Variants in RGPD1 observed in about 807,000 individuals in gnomAD.
The protein encoded by RGPD1 is RANBP2-like and GRIP domain-containing protein 1.
RGPD1 carries 7 observed loss-of-function variants against 40.6 expected under a neutral mutation model. The observed-to-expected ratio is 0.17, with a 90% confidence interval of 0.10 to 0.32. The LOEUF (loss-of-function observed/expected upper bound fraction) is 0.32, where lower values mean the gene tolerates loss of function less well. Among genes scored for constraint, RGPD1 ranks in the 10% least tolerant of loss-of-function variants. RGPD1 has a pLI of 1.00. For synonymous variants in RGPD1, 24 were observed against 167.0 expected, an observed-to-expected ratio of 0.14 and a Z score of 6.60; for missense variants, 50 against 472.5, an observed-to-expected ratio of 0.11 and a Z score of 8.29.
In RGPD1 at chr2:86,943,061, G is replaced by A. The variant is rs549552048; in HGVS notation, c.72+753G>A. Among the ~76,000 whole-genome samples the A allele has an allele frequency of 4.0e-5, 6 of 151,088 alleles. 1 individual carries two copies. The South Asian group carries it at 6.4e-4, about 16-fold the overall frequency. ...TACTTTATATGCTGCGGCGGAGGTC[G>A]TACCTCCTTGGCCTGGAGGAACCCA... On this transcript the variant is annotated intron_variant, in intron 1 of 22. Coordinates refer to ENST00000641458, the MANE Select transcript of RGPD1 (RefSeq NM_001382344.1).
chr2:86,942,196 G>T lies in RGPD1; in HGVS notation c.-41G>T. The T allele has an allele frequency of 1.3e-6, 2 of 1,572,410 alleles. No individual in the cohort carries two copies. Among genetic ancestry groups the T allele is most frequent in the East Asian group, 2.3e-5 (1 of 42,558 alleles). On this transcript the variant is annotated 5_prime_UTR_variant, in exon 1 of 23. Transcript: ENST00000641458. ...GAATTGGCGACTGCTGCGGGGCTGAGCGCTGGTTTCACGCGTCTCGGGAGC... is the reference window on the plus strand; with the variant it reads ...GAATTGGCGACTGCTGCGGGGCTGATCGCTGGTTTCACGCGTCTCGGGAGC...
Position 86,942,466 on chromosome 2 carries a change from CCGGCCTCGACCTGGCCGGGCGGCGGCGG to C in RGPD1, c.72+225_72+252del, listed in dbSNP as rs1553447630. ...CTCCCTGGCGCGCTCTGTTGAGGCG[CCGGCCTCGACCTGGCCGGGCGGCGGCGG>C]CGGCCTCGACCTGGCCGGGCGGCGG... On this transcript the variant is annotated intron_variant, in intron 1 of 22. Coordinates refer to ENST00000641458, the MANE Select transcript of RGPD1 (RefSeq NM_001382344.1). Among the ~76,000 whole-genome samples, 184 of 53,612 alleles carry C rather than the reference CCGGCCTCGACCTGGCCGGGCGGCGGCGG, an allele frequency of 3.4e-3. 14 individuals are homozygous for C. Among genetic ancestry groups the C allele is most frequent in the South Asian group, 8.9e-3 (12 of 1,354 alleles). 35.2% of individuals were successfully genotyped at this position (53,612 alleles called of 152,430 possible).
intron 6 of RGPD1, among the ~76,000 whole-genome samples, chr2:86,959,900 A>AT (rs1228415791): frequency 1.6e-3 from 11 of 6,720 alleles, no homozygotes; most frequent in South Asian, 5.3e-3. Context: ...CACCTGGCTA[A>AT]TTTTTTTTTT....
intron 1 of RGPD1, among the ~76,000 whole-genome samples, chr2:86,914,454 CGG>C: frequency 7.5e-5 from 1 of 13,322 alleles, no homozygotes; most frequent in African/African-American, 8.4e-4. Flanking sequence ...GCGGCGGCGG[CGG>C]CGGCGGCGGC....
chr2:86,941,061 CAAA>C (rs1260617000), upstream of RGPD1, among the ~76,000 whole-genome samples: 1 of 150,662 alleles, frequency 6.6e-6, no homozygotes, highest in African/African-American at 2.4e-5. Flanking sequence ...TATGGAAAAA[CAAA>C]AAGGATAAAA....
chr2:86,956,100 C>A (rs1371017784), intron 4 of RGPD1, among the ~76,000 whole-genome samples: 1 of 138,944 alleles, frequency 7.2e-6, no homozygotes, highest in Non-Finnish European at 1.5e-5. Context: ...AAATTTAAGG[C>A]TTGCTAAGGT....
intron 1 of RGPD1, among the ~76,000 whole-genome samples, chr2:86,942,532 C>G (rs1426878882): frequency 3.1e-5 from 4 of 129,252 alleles, no homozygotes; most frequent in African/African-American, 1.1e-4. Context: ...GCGGCCTCGA[C>G]CTGGCCGGGC....
intron 1 of RGPD1, among the ~76,000 whole-genome samples, chr2:86,914,248 C>G: frequency 1.0e-5 from 1 of 99,068 alleles, no homozygotes; most frequent in Non-Finnish European, 2.0e-5. Context: ...GCGGCGGCGG[C>G]GGCGGCGGCC....
At chr2:86,939,314 G>A (rs1348593443), upstream of RGPD1, among the ~76,000 whole-genome samples, 3 of 146,968 alleles carry the variant, frequency 2.0e-5, no homozygotes, top group African/African-American at 5.2e-5. Context: ...GGTGGATGCC[G>A]GGCACCTGTA....
At chr2:87,006,615 G>A (rs1026545516) in intron 22 of RGPD1, among the ~76,000 whole-genome samples, 5 of 148,910 alleles carry the variant, frequency 3.4e-5, no homozygotes, top group Non-Finnish European at 5.9e-5. Flanking sequence ...CAAAAAATTA[G>A]CCAGGCGTGT....
chr2:86,942,654 G>A (rs1471126321), intron 1 of RGPD1, among the ~76,000 whole-genome samples: 31 of 136,882 alleles, frequency 2.3e-4, no homozygotes, highest in African/African-American at 8.3e-4. Flanking sequence ...CCTCGACCTG[G>A]CCGGGCGGCG....
At chr2:86,942,976 C>T (rs1680009441) in intron 1 of RGPD1, among the ~76,000 whole-genome samples, 1 of 151,952 alleles carries the variant, frequency 6.6e-6, no homozygotes, top group Non-Finnish European at 1.5e-5. Context: ...CGGCCTAGTT[C>T]TCGGGGGCTT....
At chr2:86,915,121 C>T (rs1379408835) in intron 1 of RGPD1, among the ~76,000 whole-genome samples, 1 of 149,808 alleles carries the variant, frequency 6.7e-6, no homozygotes, top group Non-Finnish European at 1.5e-5. Context: ...CGTGGTGAAA[C>T]CCTTTCTCTA....
At chr2:86,941,625 A>T (rs1679755662), upstream of RGPD1, among the ~76,000 whole-genome samples, 1 of 151,738 alleles carries the variant, frequency 6.6e-6, no homozygotes, top group Non-Finnish European at 1.5e-5. Flanking sequence ...GCTGACAGAA[A>T]ATACAGTATT....
chr2:86,925,090 C>T (rs1573571885), intron 1 of RGPD1, among the ~76,000 whole-genome samples: 1 of 152,224 alleles, frequency 6.6e-6, no homozygotes, highest in Admixed American at 6.5e-5. Context: ...TGTGAAGTTT[C>T]TGTTCAAATC....
At chr2:86,944,994 G>A (rs530100535) in intron 1 of RGPD1, among the ~76,000 whole-genome samples, 2 of 151,680 alleles carry the variant, frequency 1.3e-5, no homozygotes, top group South Asian at 2.1e-4. Context: ...GAGATTACAG[G>A]TGTGAGCCAC....
intron 1 of RGPD1, among the ~76,000 whole-genome samples, chr2:86,925,171 G>A (rs571861641): frequency 2.1e-4 from 32 of 152,194 alleles, no homozygotes; most frequent in African/African-American, 7.2e-4. Context: ...CTAGACATGA[G>A]TTCTTGACCA....
chr2:86,913,687 G>A (rs955715951), upstream of RGPD1: 45 of 1,320,170 alleles, frequency 3.4e-5, 1 homozygote, highest in South Asian at 4.9e-4. Flanking sequence ...CTGGAGCGCC[G>A]ACGTCGCCAA....
At chr2:86,956,114 C>G (rs1680714022) in intron 4 of RGPD1, among the ~76,000 whole-genome samples, 1 of 131,890 alleles carries the variant, frequency 7.6e-6, no homozygotes, top group South Asian at 2.6e-4. Context: ...CTAAGGTAAA[C>G]AGTTTCTGAC....
Sources: allele counts gnomAD v4.1 joint callset (sites outside exome capture counted in the v4.1 genomes callset), GRCh38; gene constraint gnomAD v4.1.1; transcripts MANE v1.5; gene names NCBI Gene and HGNC (gene_info 2026-07-23, HGNC 2026-07-21).